Variants in RGS3 observed in about 807,000 individuals in gnomAD.
The protein encoded by RGS3 is regulator of G protein signaling 3.
RGS3 carries 80 observed loss-of-function variants against 132.6 expected under a neutral mutation model. That is an observed-to-expected ratio of 0.60 (90% CI 0.50 to 0.73). RGS3 has a LOEUF of 0.73. Ranked by LOEUF, RGS3 falls within the 30% of genes least tolerant of loss-of-function variation. The pLI, the probability that RGS3 is intolerant of heterozygous loss-of-function variation, is 0.00. For missense variants in RGS3, 1,382 were observed against 1,530.8 expected (o/e 0.90, Z 1.62); for synonymous variants, 598 against 620.6 (o/e 0.96, Z 0.54).
intron 3 of RGS3, among the ~76,000 whole-genome samples, chr9:113,473,060 G>C (rs1000479574): frequency 6.6e-6 from 1 of 152,024 alleles, no homozygotes; most frequent in African/African-American, 2.4e-5. Context: ...CAAAACTGAT[G>C]AAATGTATGA....
intron 19 of RGS3, among the ~76,000 whole-genome samples, chr9:113,573,942 C>T (rs1463744506): frequency 6.6e-6 from 1 of 152,174 alleles, no homozygotes; most frequent in Non-Finnish European, 1.5e-5. Context: ...TCAGGCAGAC[C>T]ATGGTTTCAA....
At chr9:113,524,633 C>T (rs1339413138) in intron 17 of RGS3, among the ~76,000 whole-genome samples, 2 of 152,212 alleles carry the variant, frequency 1.3e-5, no homozygotes, top group South Asian at 4.1e-4. Flanking sequence ...TACTGCTGTG[C>T]TGTGCTGTGT....
exon 6 of RGS3, chr9:113,484,139 T>C: frequency 6.3e-7 from 1 of 1,599,336 alleles, no homozygotes; most frequent in Non-Finnish European, 8.6e-7. Flanking sequence ...CAATTCAAGA[T>C]TTCTTTGATC....
At position 113,591,557 on chromosome 9, in the gene RGS3, TGACCCC is replaced by T; in HGVS notation, c.3080+161_3080+166del. 1.5e-6 allele frequency: 1 copy of T among 675,810 alleles called. No individual in the cohort carries two copies. The highest frequency in any genetic ancestry group is 2.7e-5 in the East Asian group (1 of 36,380). 41.9% of individuals were successfully genotyped at this position (675,810 alleles called of 1,614,324 possible). On this transcript the variant is annotated intron_variant, in intron 21 of 24. Coordinates refer to ENST00000350696, the Ensembl canonical transcript of RGS3. This position sits in a 1 kb window ranked among gnomAD's most constrained non-coding sequence, Gnocchi z 4.4. Reference sequence around the variant, plus strand: ...AAAACTGGATCTTGGAACTTTGCAGTGACCCCAAAGTGGGGTCACCTGGGTCCTGAG... The same window carrying T: ...AAAACTGGATCTTGGAACTTTGCAGTAAAGTGGGGTCACCTGGGTCCTGAG...
chr9:113,487,586 C>T (rs932336740), intron 7 of RGS3, among the ~76,000 whole-genome samples: 1 of 152,180 alleles, frequency 6.6e-6, no homozygotes, highest in Non-Finnish European at 1.5e-5. Flanking sequence ...CCTCTCAACA[C>T]TGTACTGACT....
In RGS3 at chr9:113,584,168, T is replaced by C. The variant is rs747037722; in HGVS notation, c.2756T>C (p.Ile919Thr). ...AGTGAGGCCAAGCGCAGCAGCATGA[T>C]CGAGACGGGCCAGGGGGCTGAGGGT... The change falls in exon 20 of 25, where the codon ATC becomes ACC. Residue 919 changes from isoleucine to threonine, a missense_variant. Physicochemically the swap from Ile to Thr is moderately conservative, Grantham distance 89. Coordinates refer to ENST00000350696, the Ensembl canonical transcript of RGS3. The C allele has an allele frequency of 3.1e-6, 5 of 1,614,070 alleles. No homozygotes were observed. In the Admixed American group the frequency reaches 8.3e-5, roughly 27 times the overall value.
At chr9:113,547,339 T>G (rs1833157249) in intron 19 of RGS3, among the ~76,000 whole-genome samples, 1 of 152,168 alleles carries the variant, frequency 6.6e-6, no homozygotes, top group Non-Finnish European at 1.5e-5. Context: ...ATAGGTATAT[T>G]TAGACAGAAA....
intron 3 of RGS3, among the ~76,000 whole-genome samples, chr9:113,472,492 A>G (rs1829865359): frequency 6.6e-6 from 1 of 152,230 alleles, no homozygotes; most frequent in Admixed American, 6.5e-5. Flanking sequence ...CCTTGAAAAC[A>G]TTATGCTAAG....
chr9:113,514,650 T>G, exon 15 of RGS3: 2 of 1,613,318 alleles, frequency 1.2e-6, no homozygotes, highest in Non-Finnish European at 1.7e-6. Context: ...CCTGTCTTTG[T>G]TCAGGTGAGC....
At position 113,507,508 on chromosome 9, in the gene RGS3, T is replaced by C. The variant is rs2119329178; in HGVS notation, c.1307T>C (p.Leu436Pro). Residue 436 changes from leucine (L) to proline (P), a missense_variant, in exon 13 of 25, where the codon CTC becomes CCC. Leu to Pro is a moderately conservative substitution (Grantham distance 98). Coordinates refer to ENST00000350696, the Ensembl canonical transcript of RGS3. The surrounding 1 kb of genome is among the most constrained non-coding windows in gnomAD (Gnocchi z 5.0). Reference sequence around the variant, plus strand: ...TGTGACAGCTCTGATGGGCTGCTGCTCGGCGGCTGGGAGCGCTACACCGAG... The same window carrying C: ...TGTGACAGCTCTGATGGGCTGCTGCCCGGCGGCTGGGAGCGCTACACCGAG... The C allele has an allele frequency of 6.2e-7, 1 of 1,610,362 alleles. No homozygotes were observed. The highest frequency in any genetic ancestry group is 8.5e-7 in the Non-Finnish European group (1 of 1,178,392).
chr9:113,558,213 CTA>C (rs1275747630), intron 19 of RGS3, among the ~76,000 whole-genome samples: 1 of 152,158 alleles, frequency 6.6e-6, no homozygotes, highest in Non-Finnish European at 1.5e-5. Context: ...GCTCAAAAGT[CTA>C]GCTCAGGCCA....
chr9:113,457,245 C>T (rs944366452), upstream of RGS3, among the ~76,000 whole-genome samples: 1 of 152,198 alleles, frequency 6.6e-6, no homozygotes, highest in Non-Finnish European at 1.5e-5. Flanking sequence ...TTTGTTCTTT[C>T]TGCCTGTAAC....
chr9:113,562,211 C>G (rs1476585188), intron 19 of RGS3, among the ~76,000 whole-genome samples: 2 of 152,210 alleles, frequency 1.3e-5, no homozygotes, highest in African/African-American at 2.4e-5. Flanking sequence ...GCACGTGGCT[C>G]TTGCCCGTAA....
intron 13 of RGS3, among the ~76,000 whole-genome samples, chr9:113,508,029 T>C (rs1831221011): frequency 6.6e-6 from 1 of 152,150 alleles, no homozygotes; most frequent in Non-Finnish European, 1.5e-5. Flanking sequence ...CCCCAAAACA[T>C]TAGTCCCATG....
chr9:113,526,943 A>T (rs997226453), intron 17 of RGS3, among the ~76,000 whole-genome samples: 3 of 152,184 alleles, frequency 2.0e-5, no homozygotes, highest in Non-Finnish European at 4.4e-5. Flanking sequence ...AGCCCCTTGC[A>T]GCCTGTTTTC....
chr9:113,457,085 C>G (rs187846452), upstream of RGS3, among the ~76,000 whole-genome samples: 2 of 152,170 alleles, frequency 1.3e-5, no homozygotes, highest in African/African-American at 4.8e-5. Flanking sequence ...CGTGAGTCAC[C>G]GCGCCTGGCC....
At chr9:113,457,768 G>A (rs1462423584), upstream of RGS3, among the ~76,000 whole-genome samples, 1 of 152,166 alleles carries the variant, frequency 6.6e-6, no homozygotes, top group Admixed American at 6.6e-5. Flanking sequence ...AAAGCAAATG[G>A]TGGGCCAGAT....
At chr9:113,515,864 G>A (rs1433934511) in intron 15 of RGS3, among the ~76,000 whole-genome samples, 1 of 151,836 alleles carries the variant, frequency 6.6e-6, no homozygotes, top group African/African-American at 2.4e-5. Flanking sequence ...CTTTTATATG[G>A]GTATACTGTA....
chr9:113,510,913 A>AT (rs1323351032), intron 14 of RGS3, among the ~76,000 whole-genome samples: 1 of 152,156 alleles, frequency 6.6e-6, no homozygotes, highest in Non-Finnish European at 1.5e-5. Flanking sequence ...AGGGCACACA[A>AT]TTTCCCTTAA....
Sources: allele counts gnomAD v4.1 joint callset (sites outside exome capture counted in the v4.1 genomes callset), GRCh38; gene constraint gnomAD v4.1.1; non-coding constraint Gnocchi (gnomAD v3.1); transcripts MANE v1.5; gene names NCBI Gene and HGNC (gene_info 2026-07-23, HGNC 2026-07-21).